Variants in POLE observed in about 807,000 individuals in gnomAD.
POLE encodes the protein DNA polymerase epsilon catalytic subunit A.
A neutral mutation model predicts 279.2 loss-of-function variants in POLE; 188 were observed. That is an observed-to-expected ratio of 0.67 (90% CI 0.60 to 0.76). The LOEUF is 0.76. Among genes scored for constraint, POLE ranks in the 30% least tolerant of loss-of-function variants. The pLI, the probability that POLE is intolerant of heterozygous loss-of-function variation, is 0.00. For synonymous variants in POLE, 1,214 were observed against 1,172.5 expected, an observed-to-expected ratio of 1.04 and a Z score of -0.72; for missense variants, 2,703 against 3,016.7, an observed-to-expected ratio of 0.90 and a Z score of 2.44.
In POLE at chr12:132,649,489, G is replaced by A. The variant is rs2042369824; in HGVS notation, c.3822C>T (p.Phe1274=). ...SQEEWLVWLR[F]HKKKWQLQAR... ...CCTGCAGCTGCCACTTCTTCTTGTG[G>A]AACCGGAGCCAGACAAGCCATTCCT... The change falls in exon 31 of 49, where the codon TTC becomes TTT. Residue 1274 remains phenylalanine, a synonymous_variant. Coordinates refer to ENST00000320574, the MANE Select transcript of POLE (RefSeq NM_006231.4). The A allele has an allele frequency of 1.2e-6, 2 of 1,612,264 alleles. No homozygotes were observed. Among genetic ancestry groups the A allele is most frequent in the African/African-American group, 2.7e-5 (2 of 74,930 alleles).
chr12:132,677,106 C>T (rs1051430080), intron 8 of POLE, among the ~76,000 whole-genome samples: 2 of 152,210 alleles, frequency 1.3e-5, no homozygotes, highest in South Asian at 4.1e-4. Context: ...ACTACCCAAA[C>T]GGAAGTCCCA....
chr12:132,624,915 A>G lies in POLE; in HGVS notation c.6737T>C (p.Ile2246Thr). 1 of 1,613,872 alleles carries G rather than the reference A, an allele frequency of 6.2e-7. No homozygotes were observed. The highest frequency in any genetic ancestry group is 8.5e-7 in the Non-Finnish European group (1 of 1,179,772). ...TGAGGGAGAGCCCACCTGGGTGTGG[A>G]TGGTGAGGGCGAAGTCTCCCGCGCA... ...CSCAGDFALT[I>T]HTQVFMEQIG... Residue 2246 changes from isoleucine to threonine, a missense_variant, in exon 48 of 49, where the codon ATC becomes ACC. Physicochemically the swap from Ile to Thr is moderately conservative, Grantham distance 89 (BLOSUM62 -1). Around this residue, in one of 5 missense-constraint regions of POLE, gnomAD observed 1,551 missense variants for 1,686.1 expected, o/e 0.92. Coordinates refer to ENST00000320574, the MANE Select transcript of POLE (RefSeq NM_006231.4).
rs1361957108 is a variant in POLE, at chr12:132,661,932, T to C, written c.2707-248A>G. ...GCCGTATGCTTCCCTTTACATGACATTTTCGACAAAGCAAAATTATAGTAC... is the reference window on the plus strand; with the variant it reads ...GCCGTATGCTTCCCTTTACATGACACTTTCGACAAAGCAAAATTATAGTAC... On this transcript the variant is annotated intron_variant, in intron 23 of 48. Coordinates refer to ENST00000320574, the MANE Select transcript of POLE (RefSeq NM_006231.4). This position sits in a 1 kb window ranked among gnomAD's most constrained non-coding sequence, Gnocchi z 4.1. Among the ~76,000 whole-genome samples, 1 of 152,196 alleles carries C rather than the reference T, an allele frequency of 6.6e-6. No individual in the cohort carries two copies. The highest frequency in any genetic ancestry group is 2.4e-5 in the African/African-American group (1 of 41,450).
rs1409584745 is a variant in POLE, at chr12:132,649,322, G to A, written c.3989C>T (p.Pro1330Leu). 13 of 1,613,600 alleles carry A rather than the reference G, an allele frequency of 8.1e-6. No individual in the cohort carries two copies. In the East Asian group the frequency reaches 1.1e-4, roughly 14 times the overall value. ...RRTARSILDL[P>L]WQIVQISETS... ...GGTCTATACCTGCACAATCTGCCAC[G>A]GAAGGTCCAGGATGCTGCGGGCAGT... The change falls in exon 31 of 49, where the codon CCG (proline) becomes CTG (leucine). Residue 1330 changes from proline (P) to leucine (L), a missense_variant. This residue lies in a region of POLE where 1,551 missense variants were observed against 1,686.1 expected (regional missense o/e 0.92). Coordinates refer to ENST00000320574, the MANE Select transcript of POLE (RefSeq NM_006231.4).
chr12:132,665,344 T>C lies in POLE; in HGVS notation c.2426A>G (p.Lys809Arg), dbSNP rs779094678. ...VLYDSLQLAH[K>R]CILNSFYGYV... is the part of the protein sequence containing the mutation. Reference sequence around the variant, plus strand: ...GCCATAGAAGGAGTTCAGGATGCACTTGTGGGCCAGCTGCAGCGAGTCATA... The same window carrying C: ...GCCATAGAAGGAGTTCAGGATGCACCTGTGGGCCAGCTGCAGCGAGTCATA... The change falls in exon 21 of 49, where the codon AAG becomes AGG. Residue 809 changes from lysine to arginine, a missense_variant. Physicochemically the swap from Lys to Arg is conservative, Grantham distance 26 (BLOSUM62 2). Coordinates refer to ENST00000320574, the MANE Select transcript of POLE (RefSeq NM_006231.4). The C allele has an allele frequency of 1.2e-6, 2 of 1,614,048 alleles. No homozygotes were observed. The highest frequency in any genetic ancestry group is 3.3e-5 in the Admixed American group (2 of 60,012).
chr12:132,625,568 C>T (rs951597990), intron 47 of POLE, 77 bp downstream of exon 47: 1 of 1,575,502 alleles, frequency 6.3e-7, no homozygotes, highest in East Asian at 2.2e-5. Context: ...GACCTGCACA[C>T]ACCCCGGCTC....
intron 23 of POLE, among the ~76,000 whole-genome samples, chr12:132,663,624 C>T (rs2042726241): frequency 6.6e-6 from 1 of 152,154 alleles, no homozygotes; most frequent in African/African-American, 2.4e-5. Flanking sequence ...CCAGGTGAGG[C>T]CTGCAGTGCA....
chr12:132,663,887 G>T, intron 23 of POLE, 117 bp downstream of exon 23: 2 of 1,019,018 alleles, frequency 2.0e-6, no homozygotes, highest in South Asian at 1.5e-5. Context: ...GAAAAGCAAT[G>T]TGAGCAGTGC....
At chr12:132,666,572 AC>A (rs1477421096) in intron 20 of POLE, among the ~76,000 whole-genome samples, 1 of 152,162 alleles carries the variant, frequency 6.6e-6, no homozygotes, top group Non-Finnish European at 1.5e-5. Context: ...ACAGAGTGAG[AC>A]CCCGTCTCCA....
intron 29 of POLE, among the ~76,000 whole-genome samples, chr12:132,654,459 T>C (rs2042489718): frequency 6.6e-6 from 1 of 152,230 alleles, no homozygotes; most frequent in South Asian, 2.1e-4. Flanking sequence ...AACTTGAGGA[T>C]ACTGTCCGTT....
chr12:132,656,680 T>C (rs2042546902), intron 29 of POLE, among the ~76,000 whole-genome samples: 1 of 152,226 alleles, frequency 6.6e-6, no homozygotes, highest in East Asian at 1.9e-4. Context: ...TCTTGTCATG[T>C]GAGTTTGTAT....
At chr12:132,643,656 G>C in intron 33 of POLE, 96 bp from the exon 34 acceptor site, 1 of 1,557,992 alleles carries the variant, frequency 6.4e-7, no homozygotes, top group South Asian at 1.2e-5. Flanking sequence ...TGCCCCTGCA[G>C]CTGCCCGGCC....
In POLE at chr12:132,661,698, G is replaced by A. The variant is rs2135949929; in HGVS notation, c.2707-14C>T. The stretch of plus-strand genomic sequence containing the variant: ...GGTGAAGCCTTCCTGAGAAACAAGA[G>A]TGAAGAGGGGGCAGCTTCACTCATG... On this transcript the variant is annotated splice_polypyrimidine_tract_variant and intron_variant, in intron 23 of 48. Coordinates refer to ENST00000320574, the MANE Select transcript of POLE (RefSeq NM_006231.4). The surrounding 1 kb of genome is among the most constrained non-coding windows in gnomAD (Gnocchi z 4.1). The A allele has an allele frequency of 2.5e-6, 4 of 1,613,416 alleles. No individual in the cohort carries two copies. Among genetic ancestry groups the A allele is most frequent in the Non-Finnish European group, 3.4e-6 (4 of 1,179,654 alleles).
At chr12:132,673,978 G>A (rs1245351316) in intron 12 of POLE, among the ~76,000 whole-genome samples, 1 of 152,032 alleles carries the variant, frequency 6.6e-6, no homozygotes, top group Non-Finnish European at 1.5e-5. Context: ...AGAGTTTGTG[G>A]CCTCTCCGAC....
intron 25 of POLE, chr12:132,659,733 C>T: frequency 1.9e-6 from 1 of 523,296 alleles, no homozygotes; most frequent in Non-Finnish European, 3.4e-6. Flanking sequence ...CATTCTGTCA[C>T]CCAGGCTGGA....
chr12:132,636,910 C>T (rs1189500468), intron 41 of POLE, among the ~76,000 whole-genome samples: 2 of 152,248 alleles, frequency 1.3e-5, no homozygotes, highest in African/African-American at 2.4e-5. Flanking sequence ...CTCTGCTCTT[C>T]GCGCTAAGGA....
At position 132,667,413 on chromosome 12, in the gene POLE, ATC is replaced by A; in HGVS notation, c.2319+88_2319+89del. ...CCGAGTGCAAGTGCCTGCTCAGAGGATCCCAGGCAAGGAGCCAAGAGTGCCCA... is the reference window on the plus strand; with the variant it reads ...CCGAGTGCAAGTGCCTGCTCAGAGGACCAGGCAAGGAGCCAAGAGTGCCCA... On this transcript the variant is annotated intron_variant, in intron 20 of 48. Coordinates refer to ENST00000320574, the MANE Select transcript of POLE (RefSeq NM_006231.4). The A allele has an allele frequency of 4.4e-6, 6 of 1,362,932 alleles. No homozygotes were observed. The South Asian group carries it at 7.4e-5, about 17-fold the overall frequency. 84.4% of individuals were successfully genotyped at this position (1,362,932 alleles called of 1,614,324 possible).
At chr12:132,636,163 T>C in intron 41 of POLE, 139 bp from the exon 42 acceptor site, 1 of 888,070 alleles carries the variant, frequency 1.1e-6, no homozygotes, top group Non-Finnish European at 1.6e-6. Flanking sequence ...ACATCATCCC[T>C]CAGGCTTCCT....
chr12:132,666,875 C>T (rs1008544948), intron 20 of POLE, among the ~76,000 whole-genome samples: 4 of 152,158 alleles, frequency 2.6e-5, no homozygotes, highest in East Asian at 1.9e-4. Flanking sequence ...TTATGTCCGC[C>T]TTACCATTAT....
Sources: allele counts gnomAD v4.1 joint callset (sites outside exome capture counted in the v4.1 genomes callset), GRCh38; gene constraint gnomAD v4.1.1; regional missense constraint gnomAD v4.1.1; non-coding constraint Gnocchi (gnomAD v3.1); transcripts MANE v1.5; gene names NCBI Gene and HGNC (gene_info 2026-07-23, HGNC 2026-07-21).